The following MAGI2 variants were observed in gnomAD, a reference collection of about 807,000 sequenced individuals.
MAGI2 encodes membrane associated guanylate kinase, WW and PDZ domain containing 2.
MAGI2 carries 35 observed loss-of-function variants against 133.3 expected under a neutral mutation model. The observed-to-expected ratio is 0.26, with a 90% CI of 0.20 to 0.35. The LOEUF is 0.35. Among genes scored for constraint, MAGI2 ranks in the 10% least tolerant of loss-of-function variants. The pLI is 1.00. For synonymous variants in MAGI2, 729 were observed against 710.6 expected, an observed-to-expected ratio of 1.03 and a Z score of -0.41; for missense variants, 1,636 against 1,863.4, an observed-to-expected ratio of 0.88 and a Z score of 2.25.
intron 2 of MAGI2, among the ~76,000 whole-genome samples, chr7:78,961,558 G>A (rs1286469569): frequency 6.6e-6 from 1 of 152,090 alleles, no homozygotes; most frequent in African/African-American, 2.4e-5. Context: ...TGGTTTATGT[G>A]GATGTGCACA....
chr7:78,227,020 A>G (rs1789458335), intron 10 of MAGI2, among the ~76,000 whole-genome samples: 1 of 152,248 alleles, frequency 6.6e-6, no homozygotes, highest in Admixed American at 6.5e-5. Context: ...ATCATTAAAA[A>G]GAGAGACTTA....
Position 78,317,130 on chromosome 7 carries a change from T to C in MAGI2, c.1408+26648A>G, listed in dbSNP as rs192418661. Among the ~76,000 whole-genome samples the C allele has an allele frequency of 2.6e-4, 39 of 152,336 alleles. No homozygotes were observed. The East Asian group carries it at 3.9e-3, about 15-fold the overall frequency. ...ACAACTATTGCATATTGATTTTTTC[T>C]TTTGCATTTATTCAGGCTGATTCCC... is the stretch of plus-strand genomic sequence containing the variant. On this transcript the variant is annotated intron_variant, in intron 9 of 21. Transcript: ENST00000354212.
At chr7:78,296,538 A>G (rs1164813797) in intron 9 of MAGI2, among the ~76,000 whole-genome samples, 1 of 152,182 alleles carries the variant, frequency 6.6e-6, no homozygotes, top group African/African-American at 2.4e-5. Context: ...CTCTCCCACT[A>G]AAATATTCCA....
rs1418517733 is a variant in MAGI2 at position 78,369,196 on chromosome 7, C to T, written c.1063G>A (p.Glu355Lys). 1 of 1,603,370 alleles carries T rather than the reference C, an allele frequency of 6.2e-7. No homozygotes were observed. ...CCATAAATGGGATCATCGATTTTTT[C>T]CCAGCCATATGGAAGCTCTGAAAAA... is the stretch of plus-strand genomic sequence containing the variant. ...CKENELPYGW[E>K]KIDDPIYGTY... The change falls in exon 7 of 22, where the codon GAA (glutamate) becomes AAA (lysine). Residue 355 changes from glutamate (E) to lysine (K), a missense_variant. By Grantham distance (56) the Glu-to-Lys change is moderately conservative. This residue lies in a region of MAGI2 where 920 missense variants were observed against 1,093.5 expected (regional missense o/e 0.84). Coordinates refer to ENST00000354212, the MANE Select transcript of MAGI2 (RefSeq NM_012301.4).
rs73378221 is a variant in MAGI2, at chr7:78,596,778, T to C, written c.538+30342A>G. Among the ~76,000 whole-genome samples, 2,221 of 152,304 alleles carry C rather than the reference T, an allele frequency of 0.015. 89 individuals carry two copies. In the South Asian group the frequency reaches 0.15, roughly 10 times the overall value. On this transcript the variant is annotated intron_variant, in intron 3 of 21. Transcript: ENST00000354212. ...TTACCAATTACTTCCAGAGTCCTGA[T>C]TGTCATCCAAATGTCATCAAGACAT... is the stretch of plus-strand genomic sequence containing the variant.
intron 1 of MAGI2, among the ~76,000 whole-genome samples, chr7:79,252,860 TA>T (rs1456833603): frequency 6.6e-6 from 1 of 152,106 alleles, no homozygotes; most frequent in African/African-American, 2.4e-5. Context: ...ACAAACCAAA[TA>T]AAAAATATAG....
chr7:79,395,832 T>A (rs145243739), intron 1 of MAGI2, among the ~76,000 whole-genome samples: 1 of 152,152 alleles, frequency 6.6e-6, no homozygotes. Context: ...TACTCTAGAA[T>A]AGCTATGCAG....
intron 2 of MAGI2, among the ~76,000 whole-genome samples, chr7:78,801,934 G>A (rs1419633048): frequency 6.6e-6 from 1 of 152,072 alleles, no homozygotes; most frequent in East Asian, 1.9e-4. Context: ...ACTATGAAAT[G>A]CACCGAGGAA....
At chr7:78,112,712 C>T (rs1378778603) in intron 20 of MAGI2, among the ~76,000 whole-genome samples, 1 of 152,180 alleles carries the variant, frequency 6.6e-6, no homozygotes, top group Non-Finnish European at 1.5e-5. Flanking sequence ...TACTGAGTGC[C>T]CCAGGTACAC....
chr7:78,611,060 C>A (rs1806385286), intron 3 of MAGI2, among the ~76,000 whole-genome samples: 1 of 152,164 alleles, frequency 6.6e-6, no homozygotes, highest in Non-Finnish European at 1.5e-5. Flanking sequence ...ATAATACTTT[C>A]ATTGAAGAAA....
At chr7:78,279,917 C>A (rs1190652553) in intron 9 of MAGI2, among the ~76,000 whole-genome samples, 1 of 152,172 alleles carries the variant, frequency 6.6e-6, no homozygotes, top group Non-Finnish European at 1.5e-5. Context: ...TTGCCTCATA[C>A]AGGACACCTG....
intron 2 of MAGI2, among the ~76,000 whole-genome samples, chr7:78,807,571 A>C (rs1281518059): frequency 6.6e-6 from 1 of 152,126 alleles, no homozygotes; most frequent in Non-Finnish European, 1.5e-5. Context: ...TATTATTATT[A>C]GTATTACTGG....
chr7:78,966,168 T>A (rs1398615306), intron 2 of MAGI2, among the ~76,000 whole-genome samples: 1 of 152,118 alleles, frequency 6.6e-6, no homozygotes, highest in African/African-American at 2.4e-5. Flanking sequence ...AAAACTTAAT[T>A]CTTTAAAATT....
intron 20 of MAGI2, among the ~76,000 whole-genome samples, chr7:78,091,704 C>T (rs1817230095): frequency 2.0e-5 from 3 of 152,142 alleles, no homozygotes; most frequent in South Asian, 4.1e-4. Flanking sequence ...GCTCCTTACC[C>T]TTTATGAAGT....
At chr7:78,956,511 T>C (rs1055157129) in intron 2 of MAGI2, among the ~76,000 whole-genome samples, 2 of 152,164 alleles carry the variant, frequency 1.3e-5, no homozygotes, top group African/African-American at 4.8e-5. Flanking sequence ...CCTTTTCATA[T>C]TATCTTTACT....
chr7:78,985,543 C>T (rs898400446), intron 2 of MAGI2, among the ~76,000 whole-genome samples: 3 of 151,404 alleles, frequency 2.0e-5, no homozygotes, highest in African/African-American at 7.3e-5. Flanking sequence ...GAGATGTGGG[C>T]TTTCACCATT....
At chr7:78,522,577 G>A (rs1193694788) in intron 3 of MAGI2, among the ~76,000 whole-genome samples, 1 of 152,054 alleles carries the variant, frequency 6.6e-6, no homozygotes, top group Non-Finnish European at 1.5e-5. Context: ...ATAGGGTTTT[G>A]CCATGTTGCC....
At chr7:78,747,489 G>C (rs1349292845) in intron 2 of MAGI2, among the ~76,000 whole-genome samples, 1 of 151,902 alleles carries the variant, frequency 6.6e-6, no homozygotes, top group African/African-American at 2.4e-5. Context: ...CCATTAACAA[G>C]AGGTTACCAA....
intron 16 of MAGI2, chr7:78,158,289 C>T (rs1323722628): frequency 6.6e-6 from 1 of 152,056 alleles, no homozygotes; most frequent in Non-Finnish European, 1.5e-5. Flanking sequence ...GAAAAATGCA[C>T]AAATTTTCCT....
Sources: gnomAD v4.1 joint callset for allele counts (sites outside exome capture counted in the v4.1 genomes callset) on GRCh38, gnomAD v4.1.1 for gene constraint, gnomAD v4.1.1 regional missense constraint, MANE v1.5 for transcripts, NCBI Gene and HGNC (gene_info 2026-07-23, HGNC 2026-07-21) for gene names.